Variants in STARD13 observed in about 807,000 individuals in gnomAD.
STARD13 encodes the protein StAR related lipid transfer domain containing 13.
STARD13 carries 62 observed loss-of-function variants against 106.4 expected under a neutral mutation model. The observed-to-expected ratio is 0.58, with a 90% confidence interval of 0.48 to 0.72. The LOEUF (loss-of-function observed/expected upper bound fraction) is 0.72. STARD13 is among the 30% of genes least tolerant of loss of function. The pLI is 0.00. For missense variants in STARD13, 1,387 were observed against 1,424.0 expected, an observed-to-expected ratio of 0.97 and a Z score of 0.42; for synonymous variants, 565 against 553.0, an observed-to-expected ratio of 1.02 and a Z score of -0.31.
the STARD13 span, among the ~76,000 whole-genome samples, chr13:33,357,094 G>A: frequency 6.6e-5 from 10 of 152,342 alleles, 1 homozygote; most frequent in South Asian, 1.0e-3. Context: ...TATGGAGCAA[G>A]TACATTTCCT....
chr13:33,161,630 G>A (rs192718997), intron 3 of STARD13, among the ~76,000 whole-genome samples: 1 of 152,298 alleles, frequency 6.6e-6, no homozygotes, highest in East Asian at 1.9e-4. Context: ...TATATGTTGA[G>A]TGTGGTGGTG....
chr13:33,649,667 T>G, the STARD13 span, among the ~76,000 whole-genome samples: 3 of 152,112 alleles, frequency 2.0e-5, no homozygotes, highest in Non-Finnish European at 4.4e-5. Flanking sequence ...CTCAAAACAC[T>G]TGATGTCAAA....
intron 1 of STARD13, among the ~76,000 whole-genome samples, chr13:33,299,100 G>T (rs1282545618): frequency 6.6e-6 from 1 of 152,156 alleles, no homozygotes; most frequent in African/African-American, 2.4e-5. Context: ...TGTTACAATT[G>T]CCTGCAGAAT....
At chr13:33,570,156 C>T in the STARD13 span, among the ~76,000 whole-genome samples, 1 of 147,952 alleles carries the variant, frequency 6.8e-6, no homozygotes, top group Non-Finnish European at 1.5e-5. Context: ...AATATCGTTT[C>T]TCATCTGACC....
intron 1 of STARD13, among the ~76,000 whole-genome samples, chr13:33,332,490 C>T (rs761945166): frequency 6.6e-6 from 1 of 152,142 alleles, no homozygotes; most frequent in African/African-American, 2.4e-5. Flanking sequence ...AGATTTCTCA[C>T]TCTCTTTCTG....
the STARD13 span, among the ~76,000 whole-genome samples, chr13:33,544,977 C>T: frequency 6.6e-6 from 1 of 150,938 alleles, no homozygotes; most frequent in Non-Finnish European, 1.5e-5. Flanking sequence ...TTATTTGAGA[C>T]GGGGTTTTGC....
rs1169789751 is a variant in STARD13 at position 33,137,334 on chromosome 13, GTCTC to G, written c.387+4972_387+4975del. 3.3e-5 allele frequency among the ~76,000 whole-genome samples: 5 copies of G among 152,268 alleles called. No homozygotes were observed. The South Asian group carries it at 1.0e-3, about 32-fold the overall frequency. On this transcript the variant is annotated intron_variant, in intron 4 of 13. Transcript: ENST00000336934. ...AAATTTTAGGTGTATGCACCATAAG[GTCTC>G]TCTCTCTCACCTACTCAGCTCTGCC...
At chr13:33,164,150 C>A (rs902292465) in intron 3 of STARD13, 1 of 152,082 alleles carries the variant, frequency 6.6e-6, no homozygotes, top group African/African-American at 2.4e-5. Context: ...GCTCTTCCAC[C>A]CATGTAAGCA....
At chr13:33,451,356 A>G in the STARD13 span, among the ~76,000 whole-genome samples, 1 of 152,220 alleles carries the variant, frequency 6.6e-6, no homozygotes, top group South Asian at 2.1e-4. Context: ...TCTAGAAGCA[A>G]CATGAGGGAT....
At chr13:33,396,471 C>T in the STARD13 span, among the ~76,000 whole-genome samples, 1 of 152,206 alleles carries the variant, frequency 6.6e-6, no homozygotes, top group Admixed American at 6.5e-5. Context: ...TGCAGACAGA[C>T]TAACCCAGTT....
intron 1 of STARD13, among the ~76,000 whole-genome samples, chr13:33,342,821 T>TTCTA (rs1310226633): frequency 6.6e-6 from 1 of 152,232 alleles, no homozygotes; most frequent in Non-Finnish European, 1.5e-5. Context: ...GTTGCTCTCT[T>TTCTA]TCTATTTTCC....
At chr13:33,609,569 C>A in the STARD13 span, among the ~76,000 whole-genome samples, 1 of 141,722 alleles carries the variant, frequency 7.1e-6, no homozygotes, top group Non-Finnish European at 1.6e-5. Flanking sequence ...TTCTTTCTTT[C>A]TTTTTTTTTT....
At chr13:33,363,077 C>G in the STARD13 span, among the ~76,000 whole-genome samples, 1 of 152,228 alleles carries the variant, frequency 6.6e-6, no homozygotes, top group Non-Finnish European at 1.5e-5. Flanking sequence ...CAGGGACACA[C>G]GCTGGGCCAA....
the STARD13 span, among the ~76,000 whole-genome samples, chr13:33,605,377 C>A: frequency 6.6e-6 from 1 of 151,312 alleles, no homozygotes; most frequent in Non-Finnish European, 1.5e-5. Context: ...GTCACCACAT[C>A]CAGTCTTGTT....
In STARD13 at chr13:33,127,451, A is replaced by G. The variant is rs1877360417; in HGVS notation, c.1844T>C (p.Leu615Pro). ...ISSQTASQLS[L>P]LQRFSLLRLT... Reference sequence around the variant, plus strand: ...GCGGAGCAGTGAGAAGCGCTGGAGCAGGCTCAGCTGGCTGGCCGTCTGGCT... The same window carrying G: ...GCGGAGCAGTGAGAAGCGCTGGAGCGGGCTCAGCTGGCTGGCCGTCTGGCT... Residue 615 changes from leucine (L) to proline (P), a missense_variant, in exon 6 of 14, where the codon CTG becomes CCG. Leu to Pro is a moderately conservative substitution (Grantham distance 98, BLOSUM62 -3). Transcript: ENST00000336934. The G allele has an allele frequency of 2.5e-6, 4 of 1,602,716 alleles. No homozygotes were observed. The highest frequency in any genetic ancestry group is 2.5e-6 in the Non-Finnish European group (3 of 1,178,502).
rs58705674 is a variant in STARD13 at position 33,167,998 on chromosome 13, AT to A, written c.170-377del. Among the ~76,000 whole-genome samples, 525 of 149,798 alleles carry A rather than the reference AT, an allele frequency of 3.5e-3. 5 individuals are homozygous for A. The highest frequency in any genetic ancestry group is 0.012 in the African/African-American group (484 of 40,882). ...TACAATTCTTTTTTTTTTTAATGGA[AT>A]TTTTTTTTTAAGTTCCAAAGATTAG... On this transcript the variant is annotated intron_variant, in intron 1 of 13. Transcript: ENST00000336934.
At chr13:33,317,482 G>A (rs1338421695) in intron 1 of STARD13, among the ~76,000 whole-genome samples, 2 of 152,072 alleles carry the variant, frequency 1.3e-5, no homozygotes, top group African/African-American at 4.8e-5. Context: ...CAGCAGCCCT[G>A]CTTTCATTCT....
At chr13:33,117,902 T>C in intron 8 of STARD13, 163 bp downstream of exon 8, 4 of 1,399,804 alleles carry the variant, frequency 2.9e-6, no homozygotes, top group Non-Finnish European at 3.7e-6. Flanking sequence ...GATTTCCATA[T>C]CAAACTTTGA....
chr13:33,457,971 C>G, the STARD13 span, among the ~76,000 whole-genome samples: 1 of 152,124 alleles, frequency 6.6e-6, no homozygotes, highest in African/African-American at 2.4e-5. Flanking sequence ...GAAAACTTAA[C>G]TAAGACATGG....
Sources: allele counts gnomAD v4.1 joint callset (sites outside exome capture counted in the v4.1 genomes callset), GRCh38; gene constraint gnomAD v4.1.1; transcripts MANE v1.5; gene names NCBI Gene and HGNC (gene_info 2026-07-23, HGNC 2026-07-21).